The following PRPF18 variants were observed in gnomAD, a reference collection of about 807,000 sequenced individuals.
PRPF18 encodes pre-mRNA processing factor 18.
In PRPF18, 38 loss-of-function variants were observed where a neutral mutation model predicts 46.5. The observed-to-expected ratio is 0.82, with a 90% CI of 0.63 to 1.07. The LOEUF is 1.07. Ranked by LOEUF, PRPF18 falls within the 50% of genes least tolerant of loss-of-function variation. The pLI is 0.00. For synonymous variants in PRPF18, 152 were observed against 146.7 expected, an observed-to-expected ratio of 1.04 and a Z score of -0.26; for missense variants, 263 against 410.0, an observed-to-expected ratio of 0.64 and a Z score of 3.10.
chr10:13,645,378 C>T, the PRPF18 span: 1 of 152,186 alleles, frequency 6.6e-6, no homozygotes, highest in South Asian at 2.1e-4. Flanking sequence ...ATCCCCCCAC[C>T]ACTTGCGCCA....
At chr10:13,594,944 T>G (rs2080012630) in intron 1 of PRPF18, among the ~76,000 whole-genome samples, 1 of 152,186 alleles carries the variant, frequency 6.6e-6, no homozygotes, top group Admixed American at 6.5e-5. Flanking sequence ...ATACATTTTA[T>G]TTTTTCATGC....
chr10:13,626,776 G>A (rs1165267967), intron 9 of PRPF18, among the ~76,000 whole-genome samples: 6 of 150,874 alleles, frequency 4.0e-5, no homozygotes, highest in Admixed American at 1.3e-4. Context: ...GTAGAGGACT[G>A]CTATTATTTG....
chr10:13,640,602 G>A, the PRPF18 span: 1 of 102,962 alleles, frequency 9.7e-6, no homozygotes, highest in South Asian at 3.0e-4. Context: ...CTGTTCCTCA[G>A]TCTCCTCAAG....
At chr10:13,600,880 G>A (rs968092028) in intron 3 of PRPF18, among the ~76,000 whole-genome samples, 3 of 152,122 alleles carry the variant, frequency 2.0e-5, no homozygotes, top group East Asian at 3.8e-4. Flanking sequence ...GGGTTCAAGC[G>A]ATTCTCCTGC....
At chr10:13,587,409 C>G (rs745534201) in intron 1 of PRPF18, among the ~76,000 whole-genome samples, 1 of 152,210 alleles carries the variant, frequency 6.6e-6, no homozygotes, top group Non-Finnish European at 1.5e-5. Flanking sequence ...AAGGAAAACA[C>G]CTGGGTCTGG....
rs553507438 is a variant in PRPF18, at chr10:13,602,291, T to C, written c.249+1943T>C. ...TTTTCACGTGTTCAGTGGTCGTTAATGTCTCTTGTTTTGTGGAATTGCCAT... is the reference window on the plus strand; with the variant it reads ...TTTTCACGTGTTCAGTGGTCGTTAACGTCTCTTGTTTTGTGGAATTGCCAT... On this transcript the variant is annotated intron_variant, in intron 3 of 9. Transcript: ENST00000378572. 7.9e-5 allele frequency among the ~76,000 whole-genome samples: 12 copies of C among 152,368 alleles called. No homozygotes were observed. In the South Asian group the frequency reaches 2.5e-3, roughly 32 times the overall value.
the PRPF18 span, chr10:13,641,370 C>G: frequency 6.6e-6 from 1 of 152,234 alleles, no homozygotes; most frequent in Admixed American, 6.5e-5. Flanking sequence ...TAGTTCAGGA[C>G]ATGTTAGCAC....
the PRPF18 span, chr10:13,654,438 G>C: frequency 6.2e-7 from 1 of 1,611,680 alleles, no homozygotes; most frequent in Non-Finnish European, 8.5e-7. Context: ...GTTAGGATGT[G>C]GTGGGGGCTG....
intron 9 of PRPF18, among the ~76,000 whole-genome samples, chr10:13,627,674 AT>A (rs2080528463): frequency 6.6e-6 from 1 of 152,252 alleles, no homozygotes; most frequent in Admixed American, 6.5e-5. Context: ...GACTAAAACA[AT>A]TGAGTTTCAC....
At chr10:13,644,430 G>A in the PRPF18 span, 3 of 152,320 alleles carry the variant, frequency 2.0e-5, no homozygotes, top group African/African-American at 4.8e-5. Flanking sequence ...ACTGAACTCA[G>A]CTAAACAGTA....
At chr10:13,640,609 CAAGA>C in the PRPF18 span, 1 of 102,558 alleles carries the variant, frequency 9.8e-6, no homozygotes, top group Admixed American at 1.0e-4. Context: ...TCAGTCTCCT[CAAGA>C]CCTATGTCCA....
chr10:13,626,988 C>T (rs2080517410), intron 9 of PRPF18, among the ~76,000 whole-genome samples: 1 of 152,192 alleles, frequency 6.6e-6, no homozygotes, highest in Non-Finnish European at 1.5e-5. Context: ...CACCACCTCT[C>T]ATCTGAATTA....
chr10:13,648,855 G>T, the PRPF18 span: 5 of 152,138 alleles, frequency 3.3e-5, no homozygotes, highest in African/African-American at 1.2e-4. Flanking sequence ...TTCCCTAAGG[G>T]GTTTCATGAG....
chr10:13,610,034 C>CTT lies in PRPF18; in HGVS notation c.364-4_364-3dup. The CTT allele has an allele frequency of 6.3e-7, 1 of 1,577,802 alleles. No individual in the cohort carries two copies. The highest frequency in any genetic ancestry group is 8.6e-7 in the Non-Finnish European group (1 of 1,159,826). On this transcript the variant is annotated splice_region_variant and splice_polypyrimidine_tract_variant and intron_variant, in intron 4 of 9. Transcript: ENST00000378572. ...AGGTGTTCTTCCTTTTTTTGCTTTT[C>CTT]TTAGGGATTGAGGAATGATTTGAAA...
intron 1 of PRPF18, among the ~76,000 whole-genome samples, chr10:13,587,554 C>T (rs979602550): frequency 2.0e-5 from 3 of 152,262 alleles, no homozygotes; most frequent in African/African-American, 7.2e-5. Flanking sequence ...CACCACCTCT[C>T]AGATGGGAAG....
chr10:13,616,999 A>G (rs2080351462), intron 9 of PRPF18, among the ~76,000 whole-genome samples: 1 of 152,232 alleles, frequency 6.6e-6, no homozygotes. Flanking sequence ...GCTTTAATGT[A>G]CGTAGCACGT....
At chr10:13,627,300 A>C (rs1297672481) in intron 9 of PRPF18, among the ~76,000 whole-genome samples, 4 of 152,186 alleles carry the variant, frequency 2.6e-5, no homozygotes, top group African/African-American at 9.7e-5. Context: ...CGATCTCAGG[A>C]GGGTGGGATT....
chr10:13,588,329 C>A (rs567339478), intron 1 of PRPF18, among the ~76,000 whole-genome samples: 13 of 151,984 alleles, frequency 8.6e-5, no homozygotes, highest in Non-Finnish European at 1.8e-4. Flanking sequence ...ATCACTTGAA[C>A]CCGGGAGGCG....
chr10:13,654,371 A>G, the PRPF18 span: 1 of 1,206,828 alleles, frequency 8.3e-7, no homozygotes. Context: ...CGTCTATGAC[A>G]CTCTTTCGAG....
Sources: allele counts gnomAD v4.1 joint callset (sites outside exome capture counted in the v4.1 genomes callset), GRCh38; gene constraint gnomAD v4.1.1; transcripts MANE v1.5; gene names NCBI Gene and HGNC (gene_info 2026-07-23, HGNC 2026-07-21).